SPARCL1: variants seen among roughly 807,000 people sequenced by gnomAD.
The protein encoded by SPARCL1 is SPARC like 1, also known as SPARC-like protein 1.
In SPARCL1, 52 loss-of-function variants were observed where a neutral mutation model predicts 67.1. That is an observed-to-expected ratio of 0.78 (90% CI 0.62 to 0.98). The LOEUF (loss-of-function observed/expected upper bound fraction) is 0.98, where lower values mean the gene tolerates loss of function less well. Among genes scored for constraint, SPARCL1 ranks in the 50% least tolerant of loss-of-function variants. The pLI, the probability that SPARCL1 is intolerant of heterozygous loss-of-function variation, is 0.00. For missense variants in SPARCL1, 717 were observed against 782.4 expected (o/e 0.92, Z 1.00); for synonymous variants, 226 against 267.8 (o/e 0.84, Z 1.52).
In SPARCL1 at chr4:87,493,861, T is replaced by C. The variant is rs761915631; in HGVS notation, c.939A>G (p.Glu313=). The C allele has an allele frequency of 6.2e-7, 1 of 1,614,224 alleles. No individual in the cohort carries two copies. Among genetic ancestry groups the C allele is most frequent in the Non-Finnish European group, 8.5e-7 (1 of 1,180,030 alleles). The change falls in exon 4 of 11, where the codon GAA becomes GAG. Residue 313 remains glutamate (E), a synonymous_variant. Transcript: ENST00000282470. The part of the protein sequence containing the change: ...EAISNHKETE[E]KTVSEALLME... ...TGAGCAGAGCCTCAGAAACAGTCTT[T>C]TCTTCTGTCTCTTTGTGGTTGCTGA... is the stretch of plus-strand genomic sequence containing the variant.
chr4:87,480,547 C>A, intron 8 of SPARCL1, 27 bp from the exon 9 acceptor site: 1 of 1,592,050 alleles, frequency 6.3e-7, no homozygotes, highest in Non-Finnish European at 8.5e-7. Flanking sequence ...AGAAGACTGT[C>A]AGAGAATCAG....
intron 1 of SPARCL1, among the ~76,000 whole-genome samples, chr4:87,509,008 A>G (rs1021162743): frequency 6.8e-6 from 1 of 148,024 alleles, no homozygotes; most frequent in South Asian, 2.1e-4. Flanking sequence ...TATATAATCT[A>G]TATACTTATA....
At chr4:87,487,854 C>A (rs1724138499) in intron 7 of SPARCL1, among the ~76,000 whole-genome samples, 1 of 152,146 alleles carries the variant, frequency 6.6e-6, no homozygotes, top group Non-Finnish European at 1.5e-5. Flanking sequence ...GATCTTCAAT[C>A]TCTGATATCC....
chr4:87,483,307 A>G (rs1370631718), intron 7 of SPARCL1, among the ~76,000 whole-genome samples: 1 of 151,576 alleles, frequency 6.6e-6, no homozygotes, highest in Non-Finnish European at 1.5e-5. Context: ...TCACTGTTCA[A>G]CTCCCACTTA....
intron 10 of SPARCL1, 142 bp from the exon 11 acceptor site, chr4:87,473,945 T>G (rs1343955389): frequency 1.7e-6 from 1 of 593,750 alleles, no homozygotes; most frequent in African/African-American, 1.9e-5. Context: ...GACAGCAACA[T>G]CACTCATGAA....
chr4:87,491,029 C>T (rs1724305586), intron 5 of SPARCL1, 151 bp from the exon 6 acceptor site: 2 of 549,264 alleles, frequency 3.6e-6, no homozygotes, highest in Non-Finnish European at 6.5e-6. Context: ...CATTGGAATC[C>T]TCTTTAATTG....
intron 2 of SPARCL1, among the ~76,000 whole-genome samples, chr4:87,496,044 T>A (rs184197920): frequency 6.6e-5 from 10 of 152,236 alleles, no homozygotes; most frequent in Admixed American, 2.0e-4. Context: ...GTCCTATTTC[T>A]AGCAAGATTG....
intron 1 of SPARCL1, among the ~76,000 whole-genome samples, chr4:87,501,282 C>A (rs1274306973): frequency 1.3e-5 from 2 of 152,092 alleles, no homozygotes; most frequent in African/African-American, 2.4e-5. Flanking sequence ...CCCTGGTAAT[C>A]CCCTTTGTCT....
At chr4:87,488,127 T>C (rs898857358) in intron 7 of SPARCL1, among the ~76,000 whole-genome samples, 2 of 152,218 alleles carry the variant, frequency 1.3e-5, no homozygotes, top group Non-Finnish European at 2.9e-5. Flanking sequence ...CCATCCACTT[T>C]TGTTCCCTTG....
intron 1 of SPARCL1, among the ~76,000 whole-genome samples, chr4:87,526,827 T>C (rs1270793423): frequency 6.6e-6 from 1 of 152,192 alleles, no homozygotes; most frequent in African/African-American, 2.4e-5. Context: ...TTATCTACGA[T>C]TGATTGATTG....
intron 3 of SPARCL1, 110 bp downstream of exon 3, chr4:87,494,871 T>TA: frequency 9.5e-7 from 1 of 1,049,448 alleles, no homozygotes. Context: ...CATCATGTTT[T>TA]AAAAAAATTA....
intron 1 of SPARCL1, among the ~76,000 whole-genome samples, chr4:87,525,375 T>C (rs1173262687): frequency 1.3e-5 from 2 of 152,114 alleles, no homozygotes; most frequent in East Asian, 1.9e-4. Flanking sequence ...AGGCACAGAA[T>C]GGATTAGATT....
At chr4:87,508,889 GTATATA>G (rs142792848) in intron 1 of SPARCL1, among the ~76,000 whole-genome samples, 1 of 138,360 alleles carries the variant, frequency 7.2e-6, no homozygotes, top group African/African-American at 2.7e-5. Flanking sequence ...ATGTATATAA[GTATATA>G]TATATATATA....
At chr4:87,483,482 A>G (rs1363189542) in intron 7 of SPARCL1, among the ~76,000 whole-genome samples, 1 of 152,170 alleles carries the variant, frequency 6.6e-6, no homozygotes, top group African/African-American at 2.4e-5. Flanking sequence ...TATCCAGTCT[A>G]TCACTGATGG....
intron 1 of SPARCL1, among the ~76,000 whole-genome samples, chr4:87,524,540 G>C (rs1725959032): frequency 6.6e-6 from 1 of 152,220 alleles, no homozygotes; most frequent in Admixed American, 6.5e-5. Flanking sequence ...CACTGCAGCA[G>C]ATGCCTGACC....
intron 1 of SPARCL1, among the ~76,000 whole-genome samples, chr4:87,516,239 A>T (rs893626935): frequency 1.3e-5 from 2 of 152,138 alleles, no homozygotes; most frequent in Non-Finnish European, 2.9e-5. Flanking sequence ...AGATCAGCTC[A>T]TCTCCTAGCT....
rs370946438 is a variant in SPARCL1 at position 87,477,432 on chromosome 4, CCTT to C, written c.1966+1995_1966+1997del. 1.6e-3 allele frequency among the ~76,000 whole-genome samples: 239 copies of C among 152,312 alleles called. 1 individual carries two copies. Among genetic ancestry groups the C allele is most frequent in the African/African-American group, 5.3e-3 (221 of 41,562 alleles). On this transcript the variant is annotated intron_variant, in intron 10 of 10. Transcript: ENST00000282470. Reference sequence around the variant, plus strand: ...ATTGACATCCAACCCCCTGTGGTCTCCTTCTCCTCCTCCTGCTGTAGCAGGATT... The same window carrying C: ...ATTGACATCCAACCCCCTGTGGTCTCCTCCTCCTCCTGCTGTAGCAGGATT...
At chr4:87,498,311 T>C (rs1368693578) in intron 2 of SPARCL1, among the ~76,000 whole-genome samples, 2 of 152,176 alleles carry the variant, frequency 1.3e-5, no homozygotes, top group African/African-American at 4.8e-5. Flanking sequence ...GGAGTTTGTT[T>C]TTGCTGACAC....
chr4:87,505,613 A>G (rs1725039633), intron 1 of SPARCL1, among the ~76,000 whole-genome samples: 1 of 151,722 alleles, frequency 6.6e-6, no homozygotes, highest in Non-Finnish European at 1.5e-5. Context: ...CTGGAGTGTA[A>G]TTGCAATCAT....
Sources: gnomAD v4.1 joint callset for allele counts (sites outside exome capture counted in the v4.1 genomes callset) on GRCh38, gnomAD v4.1.1 for gene constraint, MANE v1.5 for transcripts, NCBI Gene and HGNC (gene_info 2026-07-23, HGNC 2026-07-21) for gene names.